TMEM131L: variants seen among roughly 807,000 people sequenced by gnomAD.
TMEM131L encodes transmembrane 131 like.
A neutral mutation model predicts 192.2 loss-of-function variants in TMEM131L; 54 were observed. That is an observed-to-expected ratio of 0.28 (90% CI 0.23 to 0.35). The LOEUF (loss-of-function observed/expected upper bound fraction) is 0.35, where lower values mean the gene tolerates loss of function less well. TMEM131L is among the 10% of genes least tolerant of loss of function. The probability of loss-of-function intolerance (pLI) is 1.00; values close to 1 mark genes in which losing one functional copy is unlikely to be tolerated. For synonymous variants in TMEM131L, 701 were observed against 704.9 expected, an observed-to-expected ratio of 0.99 and a Z score of 0.09; for missense variants, 1,888 against 1,972.9, an observed-to-expected ratio of 0.96 and a Z score of 0.82.
At chr4:153,534,175 C>CTG (rs1315334713) in intron 3 of TMEM131L, among the ~76,000 whole-genome samples, 1 of 152,126 alleles carries the variant, frequency 6.6e-6, no homozygotes, top group African/African-American at 2.4e-5. Flanking sequence ...AGTGAGTGTT[C>CTG]TGTAAATACA....
intron 3 of TMEM131L, among the ~76,000 whole-genome samples, chr4:153,540,856 C>CCTTCAT (rs1736722844): frequency 6.6e-6 from 1 of 152,160 alleles, no homozygotes; most frequent in Non-Finnish European, 1.5e-5. Flanking sequence ...AGGAAAAAGT[C>CCTTCAT]CTTCATCCCT....
chr4:153,632,673 G>C (rs1212175941), intron 31 of TMEM131L, 45 bp from the exon 32 acceptor site: 2 of 1,611,382 alleles, frequency 1.2e-6, no homozygotes, highest in South Asian at 1.1e-5. Context: ...TAGGATGAGG[G>C]CCAGGTGAGG....
At position 153,592,486 on chromosome 4, in the gene TMEM131L, T is replaced by C; in HGVS notation, c.1824T>C (p.Phe608=). The C allele has an allele frequency of 6.2e-7, 1 of 1,613,746 alleles. No individual in the cohort carries two copies. Among genetic ancestry groups the C allele is most frequent in the Non-Finnish European group, 8.5e-7 (1 of 1,179,642 alleles). Residue 608 remains phenylalanine (F), a synonymous_variant, in exon 18 of 35, where the codon TTT becomes TTC. Coordinates refer to ENST00000409959, the MANE Select transcript of TMEM131L (RefSeq NM_001131007.2). ...TALRSRMIKY[F]VVQNPSSWPV... Reference sequence around the variant, plus strand: ...TTCCTCACACCTAGATCAAGTACTTTGTGGTGCAGAACCCGTCCTCTTGGC... The same window carrying C: ...TTCCTCACACCTAGATCAAGTACTTCGTGGTGCAGAACCCGTCCTCTTGGC...
At chr4:153,471,440 T>C (rs181457586) in intron 2 of TMEM131L, among the ~76,000 whole-genome samples, 8 of 152,308 alleles carry the variant, frequency 5.3e-5, no homozygotes, top group Non-Finnish European at 1.5e-5. Flanking sequence ...GTCGTCCTAG[T>C]GCGGGAGAGG....
chr4:153,499,893 C>G (rs550024770), intron 3 of TMEM131L, among the ~76,000 whole-genome samples: 2 of 152,284 alleles, frequency 1.3e-5, no homozygotes, highest in African/African-American at 4.8e-5. Context: ...ACCGTCAGAT[C>G]CCAGTCTCAC....
intron 31 of TMEM131L, 98 bp from the exon 32 acceptor site, chr4:153,632,620 A>G: frequency 7.1e-7 from 1 of 1,401,170 alleles, no homozygotes; most frequent in Non-Finnish European, 1.0e-6. Context: ...TGTGGGTGAC[A>G]TTAGGGAGTG....
intron 7 of TMEM131L, among the ~76,000 whole-genome samples, chr4:153,571,167 T>C (rs1264974370): frequency 6.6e-6 from 1 of 152,212 alleles, no homozygotes; most frequent in Non-Finnish European, 1.5e-5. Context: ...AACAAATCTT[T>C]TTTCTGTTTG....
intron 25 of TMEM131L, among the ~76,000 whole-genome samples, chr4:153,610,340 G>A (rs1732526131): frequency 6.6e-6 from 1 of 152,176 alleles, no homozygotes; most frequent in African/African-American, 2.4e-5. Flanking sequence ...ATATGACTTT[G>A]GCCATTGTAT....
chr4:153,575,331 G>C (rs1219752248), intron 7 of TMEM131L, among the ~76,000 whole-genome samples: 1 of 152,038 alleles, frequency 6.6e-6, no homozygotes, highest in Non-Finnish European at 1.5e-5. Flanking sequence ...ACAAAACTGT[G>C]GAAATACATG....
At chr4:153,570,533 A>G (rs1276520652) in intron 7 of TMEM131L, among the ~76,000 whole-genome samples, 1 of 152,192 alleles carries the variant, frequency 6.6e-6, no homozygotes, top group Non-Finnish European at 1.5e-5. Flanking sequence ...GCCTTCCCTC[A>G]GAGTTTATAA....
intron 3 of TMEM131L, among the ~76,000 whole-genome samples, chr4:153,515,005 T>A (rs1483091556): frequency 6.6e-6 from 1 of 151,918 alleles, no homozygotes; most frequent in African/African-American, 2.4e-5. Context: ...GAGACAGGGG[T>A]CTCCCCATGT....
At chr4:153,554,542 A>G (rs547323929) in intron 4 of TMEM131L, among the ~76,000 whole-genome samples, 1 of 152,354 alleles carries the variant, frequency 6.6e-6, no homozygotes, top group Middle Eastern at 3.4e-3. Context: ...CATGTTTCCT[A>G]AAGGATACAT....
At chr4:153,571,090 G>A (rs1186003308) in intron 7 of TMEM131L, among the ~76,000 whole-genome samples, 3 of 150,244 alleles carry the variant, frequency 2.0e-5, no homozygotes, top group Admixed American at 2.0e-4. Flanking sequence ...GATTTTTTTC[G>A]GTGTGTTCTC....
chr4:153,596,394 G>A lies in TMEM131L; in HGVS notation c.2123+9G>A, dbSNP rs765299832. ...TCACTCATACTAATCCGGTAGGTGT[G>A]TTCCTGTTGTAGAATCTGTTTCTTT... On this transcript the variant is annotated intron_variant, in intron 20 of 34. Coordinates refer to ENST00000409959, the MANE Select transcript of TMEM131L (RefSeq NM_001131007.2). 1.9e-6 allele frequency: 3 copies of A among 1,612,888 alleles called. No individual in the cohort carries two copies. The highest frequency in any genetic ancestry group is 2.5e-6 in the Non-Finnish European group (3 of 1,179,074).
chr4:153,537,165 C>A (rs1215015182), intron 3 of TMEM131L, among the ~76,000 whole-genome samples: 1 of 152,150 alleles, frequency 6.6e-6, no homozygotes, highest in Non-Finnish European at 1.5e-5. Context: ...CAGGGTCTTA[C>A]CTTAATTTTA....
chr4:153,600,053 G>C (rs1731726365), intron 21 of TMEM131L, among the ~76,000 whole-genome samples: 1 of 152,114 alleles, frequency 6.6e-6, no homozygotes, highest in South Asian at 2.1e-4. Flanking sequence ...AAAGGAAAAA[G>C]AAAAAAATAA....
intron 29 of TMEM131L, among the ~76,000 whole-genome samples, chr4:153,625,939 A>T (rs1733814033): frequency 6.6e-6 from 1 of 152,146 alleles, no homozygotes; most frequent in Admixed American, 6.5e-5. Flanking sequence ...ACAAAAAGAG[A>T]TTGTAAAGAA....
intron 4 of TMEM131L, among the ~76,000 whole-genome samples, chr4:153,552,808 T>A (rs1325971697): frequency 6.6e-6 from 1 of 152,104 alleles, no homozygotes; most frequent in East Asian, 1.9e-4. Flanking sequence ...CACTCCAGCC[T>A]AGATGACAGA....
At chr4:153,504,286 T>TC (rs1733826956) in intron 3 of TMEM131L, among the ~76,000 whole-genome samples, 1 of 115,396 alleles carries the variant, frequency 8.7e-6, no homozygotes, top group Non-Finnish European at 1.7e-5. Context: ...TTTTTTTTTT[T>TC]TTTTTTTTTT....
Sources: allele counts gnomAD v4.1 joint callset (sites outside exome capture counted in the v4.1 genomes callset), GRCh38; gene constraint gnomAD v4.1.1; transcripts MANE v1.5; gene names NCBI Gene and HGNC (gene_info 2026-07-23, HGNC 2026-07-21).